The following GALNT13 variants were observed in gnomAD, a reference collection of about 807,000 sequenced individuals.
GALNT13 encodes UDP-GalNAc:polypeptide N-acetylgalactosaminyltransferase 13.
GALNT13 carries 28 observed loss-of-function variants against 64.2 expected under a neutral mutation model. That is an observed-to-expected ratio of 0.44 (90% CI 0.32 to 0.60). The LOEUF is 0.60. Among genes scored for constraint, GALNT13 ranks in the 20% least tolerant of loss-of-function variants. The pLI is 0.05. For missense variants in GALNT13, 577 were observed against 669.8 expected (o/e 0.86, Z 1.53); for synonymous variants, 214 against 224.6 (o/e 0.95, Z 0.42).
chr2:153,403,614 A>C, the GALNT13 span, among the ~76,000 whole-genome samples: 2 of 152,190 alleles, frequency 1.3e-5, no homozygotes, highest in Non-Finnish European at 2.9e-5. Context: ...AGCCAGGTGC[A>C]GGATATAATC....
intron 8 of GALNT13, among the ~76,000 whole-genome samples, chr2:154,276,116 C>T (rs1388817714): frequency 6.6e-6 from 1 of 152,142 alleles, no homozygotes; most frequent in African/African-American, 2.4e-5. Context: ...TTTACAGGCT[C>T]ATAGGCAGAA....
intron 10 of GALNT13, 82 bp from the exon 11 acceptor site, chr2:154,408,902 A>G (rs999392720): frequency 1.2e-6 from 1 of 812,310 alleles, no homozygotes; most frequent in African/African-American, 1.7e-5. Flanking sequence ...TTAACAATAG[A>G]TAGTAACATG....
chr2:154,035,114 G>A (rs1289011868), intron 3 of GALNT13, among the ~76,000 whole-genome samples: 1 of 152,034 alleles, frequency 6.6e-6, no homozygotes, highest in African/African-American at 2.4e-5. Flanking sequence ...AAGATATGGA[G>A]TCAACTAAGT....
chr2:153,642,964 G>C, the GALNT13 span, among the ~76,000 whole-genome samples: 1 of 151,270 alleles, frequency 6.6e-6, no homozygotes, highest in African/African-American at 2.4e-5. Flanking sequence ...GATGTATCAA[G>C]ACAATTTAAA....
chr2:153,119,802 T>A, the GALNT13 span, among the ~76,000 whole-genome samples: 2 of 152,222 alleles, frequency 1.3e-5, no homozygotes, highest in African/African-American at 4.8e-5. Flanking sequence ...GAGTTTTGTA[T>A]AATTTCCAGA....
At chr2:153,684,100 A>G in the GALNT13 span, among the ~76,000 whole-genome samples, 1 of 151,170 alleles carries the variant, frequency 6.6e-6, no homozygotes, top group Non-Finnish European at 1.5e-5. Flanking sequence ...ATCCCAGGCC[A>G]TGGGAATAGT....
the GALNT13 span, among the ~76,000 whole-genome samples, chr2:153,125,192 C>T: frequency 2.6e-5 from 4 of 152,150 alleles, no homozygotes; most frequent in Non-Finnish European, 5.9e-5. Context: ...CAACCTTATG[C>T]CCAAGGTCAG....
intron 9 of GALNT13, among the ~76,000 whole-genome samples, chr2:154,385,283 T>C (rs1193344431): frequency 6.6e-6 from 1 of 151,948 alleles, no homozygotes; most frequent in South Asian, 2.1e-4. Flanking sequence ...AAGTAACTCA[T>C]TATATATGAA....
chr2:153,922,705 C>T (rs534551086), intron 2 of GALNT13, among the ~76,000 whole-genome samples: 25 of 152,082 alleles, frequency 1.6e-4, no homozygotes, highest in African/African-American at 2.4e-4. Flanking sequence ...TATCATGTTT[C>T]GCACAGCTAA....
intron 4 of GALNT13, among the ~76,000 whole-genome samples, chr2:154,180,698 T>C (rs1391113857): frequency 1.3e-5 from 2 of 152,178 alleles, no homozygotes; most frequent in African/African-American, 4.8e-5. Flanking sequence ...TAGGGGTGTA[T>C]CTATCTGTAT....
the GALNT13 span, among the ~76,000 whole-genome samples, chr2:153,533,723 C>CTTTTTTTTTTTTTTGTT: frequency 2.1e-5 from 1 of 48,732 alleles, no homozygotes; most frequent in African/African-American, 8.6e-5. Context: ...TGAGGTTTTT[C>CTTTTTTTTTTTTTTGTT]TTTTTTTTTT....
the GALNT13 span, among the ~76,000 whole-genome samples, chr2:153,418,285 C>G: frequency 6.6e-6 from 1 of 152,140 alleles, no homozygotes; most frequent in East Asian, 1.9e-4. Context: ...CAAATTCCCC[C>G]CTAGCACCTC....
intron 1 of GALNT13, among the ~76,000 whole-genome samples, chr2:153,888,918 A>G (rs1258923650): frequency 6.6e-6 from 1 of 152,010 alleles, no homozygotes. Context: ...TTCAACACCA[A>G]GCACCTTGGA....
At chr2:153,644,969 A>G in the GALNT13 span, among the ~76,000 whole-genome samples, 1 of 152,054 alleles carries the variant, frequency 6.6e-6, no homozygotes, top group African/African-American at 2.4e-5. Flanking sequence ...TCTTGTTTTT[A>G]CTATTTCAAC....
At chr2:153,739,883 T>G in the GALNT13 span, among the ~76,000 whole-genome samples, 1 of 151,858 alleles carries the variant, frequency 6.6e-6, no homozygotes, top group South Asian at 2.1e-4. Context: ...TTCTATCTTC[T>G]AATGCAGTTT....
the GALNT13 span, among the ~76,000 whole-genome samples, chr2:153,446,397 T>TA: frequency 6.6e-6 from 1 of 152,314 alleles, no homozygotes; most frequent in Middle Eastern, 3.4e-3. Context: ...TAAATTTTCT[T>TA]AAAAAGTAGA....
At chr2:154,004,474 G>T (rs996718338) in intron 3 of GALNT13, among the ~76,000 whole-genome samples, 14 of 152,274 alleles carry the variant, frequency 9.2e-5, no homozygotes, top group African/African-American at 3.4e-4. Context: ...AAAGTGCTGG[G>T]ATTACAGATG....
At chr2:154,344,196 G>T (rs1695932815) in intron 9 of GALNT13, among the ~76,000 whole-genome samples, 1 of 151,940 alleles carries the variant, frequency 6.6e-6, no homozygotes, top group South Asian at 2.1e-4. Flanking sequence ...TTTGCAAATT[G>T]CATAATCACA....
intron 4 of GALNT13, among the ~76,000 whole-genome samples, chr2:154,154,308 A>C (rs547267234): frequency 2.6e-5 from 4 of 152,348 alleles, no homozygotes; most frequent in Admixed American, 1.3e-4. Context: ...GATACAGTTC[A>C]GACAGAAGGT....
Sources: allele counts gnomAD v4.1 joint callset (sites outside exome capture counted in the v4.1 genomes callset), GRCh38; gene constraint gnomAD v4.1.1; transcripts MANE v1.5; gene names NCBI Gene and HGNC (gene_info 2026-07-23, HGNC 2026-07-21).